POLR1C: variants seen among roughly 807,000 people sequenced by gnomAD.
The protein encoded by POLR1C is DNA-directed RNA polymerases I and III subunit RPAC1.
POLR1C carries 42 observed loss-of-function variants against 38.3 expected under a neutral mutation model. That is an observed-to-expected ratio of 1.10 (90% CI 0.86 to 1.42). The LOEUF is 1.42. Ranked by LOEUF, POLR1C falls within the 40% of genes most tolerant of loss-of-function variation. POLR1C has a pLI of 0.00. For synonymous variants in POLR1C, 163 were observed against 163.9 expected (o/e 0.99, Z 0.04); for missense variants, 507 against 450.5 (o/e 1.13, Z -1.14).
chr6:43,547,371 T>C, intron 9 of POLR1C: 3 of 596,746 alleles, frequency 5.0e-6, no homozygotes, highest in Non-Finnish European at 9.2e-6. Context: ...TTCAGAGCTA[T>C]TTAGAGATCC....
intron 10 of POLR1C, chr6:43,555,699 C>T (rs1277079998): frequency 1.8e-6 from 2 of 1,106,738 alleles, no homozygotes; most frequent in Admixed American, 3.2e-5. Context: ...AACGCTCCCT[C>T]TCCAGGATGA....
intron 8 of POLR1C, chr6:43,526,962 A>G: frequency 1.8e-6 from 1 of 550,374 alleles, no homozygotes; most frequent in East Asian, 3.0e-5. Flanking sequence ...AGCTGAGAGA[A>G]AATTACAGAA....
At position 43,548,334 on chromosome 6, in the gene POLR1C, C is replaced by T. The variant is rs764867205; in HGVS notation, c.*5-2634C>T. On this transcript the variant is annotated intron_variant, in intron 9 of 10. Transcript: ENST00000607635. ...TCCTCTAGGAACACCTTCTGACGCT[C>T]GTAGTTCTTAAATTGGTTGCTAATG... 23 of 1,613,434 alleles carry T rather than the reference C, an allele frequency of 1.4e-5. No individual in the cohort carries two copies. The highest frequency in any genetic ancestry group is 1.8e-5 in the Non-Finnish European group (21 of 1,179,642).
intron 9 of POLR1C, among the ~76,000 whole-genome samples, chr6:43,550,753 T>A (rs1431404590): frequency 6.6e-6 from 1 of 152,216 alleles, no homozygotes; most frequent in East Asian, 1.9e-4. Flanking sequence ...ATGCTTTCTC[T>A]TCTTTAGTCC....
intron 10 of POLR1C, chr6:43,555,942 C>G: frequency 6.2e-7 from 1 of 1,613,974 alleles, no homozygotes; most frequent in Non-Finnish European, 8.5e-7. Context: ...ACCTCATCAC[C>G]TCTCCTTGTT....
At chr6:43,524,261 A>C (rs907831777), downstream of POLR1C, among the ~76,000 whole-genome samples, 1 of 151,516 alleles carries the variant, frequency 6.6e-6, no homozygotes, top group South Asian at 2.1e-4. Context: ...CTGAGGCAGG[A>C]GAATCGTTTG....
At chr6:43,542,492 C>T (rs1306693200) in intron 9 of POLR1C, among the ~76,000 whole-genome samples, 1 of 152,104 alleles carries the variant, frequency 6.6e-6, no homozygotes, top group Non-Finnish European at 1.5e-5. Flanking sequence ...TCACTGCAAC[C>T]TCCGCCTCCC....
chr6:43,550,511 G>T (rs922562429), intron 9 of POLR1C, among the ~76,000 whole-genome samples: 1 of 152,122 alleles, frequency 6.6e-6, no homozygotes, highest in Non-Finnish European at 1.5e-5. Context: ...CTCCTCCAAT[G>T]ATGGTGATTC....
At chr6:43,524,875 T>C (rs1793460293), downstream of POLR1C, 4 of 1,613,870 alleles carry the variant, frequency 2.5e-6, no homozygotes, top group African/African-American at 2.7e-5. Context: ...AGGGAAGCCA[T>C]GCACCCGTCG....
chr6:43,561,323 T>G (rs1762403081), intron 10 of POLR1C: 1 of 275,156 alleles, frequency 3.6e-6, no homozygotes, highest in South Asian at 5.3e-5. Context: ...TCCTCAGACC[T>G]TACCTATTCA....
chr6:43,520,021 A>C (rs1793056187), intron 4 of POLR1C, 45 bp from the exon 5 acceptor site: 3 of 1,610,290 alleles, frequency 1.9e-6, no homozygotes, highest in African/African-American at 1.3e-5. Flanking sequence ...TAGTGCTGGC[A>C]CTCAGACGTT....
intron 10 of POLR1C, chr6:43,553,711 T>C: frequency 9.1e-7 from 1 of 1,096,886 alleles, no homozygotes; most frequent in South Asian, 2.4e-5. Flanking sequence ...TGAAGGTTCC[T>C]ACCATGCCTC....
intron 10 of POLR1C, among the ~76,000 whole-genome samples, chr6:43,551,763 T>A (rs1795240353): frequency 6.6e-6 from 1 of 152,186 alleles, no homozygotes; most frequent in African/African-American, 2.4e-5. Context: ...ACTCCTGGTT[T>A]CAAGTGATCC....
At chr6:43,561,495 C>T (rs1417410166) in exon 11 of POLR1C, 1 of 154,618 alleles carries the variant, frequency 6.5e-6, no homozygotes, top group African/African-American at 2.4e-5. Context: ...TCTCCTGCCT[C>T]AGCCTCTCGA....
intron 9 of POLR1C, chr6:43,548,351 T>C: frequency 1.2e-6 from 2 of 1,613,768 alleles, no homozygotes; most frequent in Non-Finnish European, 1.7e-6. Context: ...CTTAAATTGG[T>C]TGCTAATGAG....
downstream of POLR1C, chr6:43,534,063 G>A: frequency 1.4e-6 from 2 of 1,408,664 alleles, no homozygotes; most frequent in South Asian, 2.3e-5. Context: ...AGGAAAGAGT[G>A]GGTTTTGCTT....
intron 9 of POLR1C, among the ~76,000 whole-genome samples, chr6:43,540,760 G>A (rs997367296): frequency 7.9e-5 from 12 of 152,222 alleles, no homozygotes; most frequent in African/African-American, 2.9e-4. Flanking sequence ...TTACAGGCAT[G>A]AGCCAACATG....
At chr6:43,560,451 C>T (rs1762359818) in intron 10 of POLR1C, 1 of 992,960 alleles carries the variant, frequency 1.0e-6, no homozygotes, top group African/African-American at 1.6e-5. Flanking sequence ...TCAGTAATGA[C>T]CACCCACTAT....
chr6:43,530,528 C>G (rs994253410), downstream of POLR1C: 1 of 867,258 alleles, frequency 1.2e-6, no homozygotes, highest in Admixed American at 3.4e-5. Flanking sequence ...CATGTTTTCC[C>G]TGCAATCTGC....
Sources: allele counts gnomAD v4.1 joint callset (sites outside exome capture counted in the v4.1 genomes callset), GRCh38; gene constraint gnomAD v4.1.1; transcripts MANE v1.5; gene names NCBI Gene and HGNC (gene_info 2026-07-23, HGNC 2026-07-21).